TNNI3K: variants seen among roughly 807,000 people sequenced by gnomAD.
TNNI3K encodes TNNI3 interacting kinase, also known as serine/threonine-protein kinase TNNI3K.
Under a neutral mutation model 114.5 loss-of-function variants are expected in TNNI3K, and 140 were observed. The ratio of observed to expected loss-of-function variants is 1.22; its 90% CI spans 1.07 to 1.41. The LOEUF (loss-of-function observed/expected upper bound fraction) is 1.41, where lower values mean the gene tolerates loss of function less well. Ranked by LOEUF, TNNI3K falls within the 40% of genes most tolerant of loss-of-function variation. TNNI3K has a pLI of 0.00. For missense variants in TNNI3K, 1,125 were observed against 1,007.6 expected, an observed-to-expected ratio of 1.12 and a Z score of -1.58; for synonymous variants, 347 against 347.5, an observed-to-expected ratio of 1.00 and a Z score of 0.02.
At chr1:74,432,656 A>G (rs1489440255) in intron 17 of TNNI3K, among the ~76,000 whole-genome samples, 1 of 152,072 alleles carries the variant, frequency 6.6e-6, no homozygotes, top group Non-Finnish European at 1.5e-5. Context: ...ACAGAGGTAT[A>G]TTGGGTTTAT....
At chr1:74,392,964 C>T (rs1327157482) in intron 17 of TNNI3K, among the ~76,000 whole-genome samples, 1 of 152,184 alleles carries the variant, frequency 6.6e-6, no homozygotes, top group Non-Finnish European at 1.5e-5. Flanking sequence ...ACACAAGCCA[C>T]TTATAGCTGT....
rs1570533562 is a variant in TNNI3K at position 74,369,372 on chromosome 1, C to T, written c.1473-19C>T. On this transcript the variant is annotated intron_variant, in intron 15 of 24. Coordinates refer to ENST00000326637, the MANE Select transcript of TNNI3K (RefSeq NM_015978.3). ...GATCCATCTGTTTACTGAAGATTTTCTGTTGCTGCCATTTCCAGTTATCGA... is the reference window on the plus strand; with the variant it reads ...GATCCATCTGTTTACTGAAGATTTTTTGTTGCTGCCATTTCCAGTTATCGA... The T allele has an allele frequency of 6.2e-7, 1 of 1,606,178 alleles. No homozygotes were observed. The highest frequency in any genetic ancestry group is 8.5e-7 in the Non-Finnish European group (1 of 1,176,122).
chr1:74,484,021 T>C (rs564514269), intron 21 of TNNI3K, among the ~76,000 whole-genome samples: 62 of 152,276 alleles, frequency 4.1e-4, no homozygotes, highest in Non-Finnish European at 6.9e-4. Context: ...CTTTTTCATG[T>C]GTAAAATAGA....
intron 17 of TNNI3K, among the ~76,000 whole-genome samples, chr1:74,400,735 C>T (rs1296455296): frequency 6.6e-6 from 1 of 152,206 alleles, no homozygotes; most frequent in African/African-American, 2.4e-5. Context: ...TCAACTTATA[C>T]CCACATCCTA....
intron 21 of TNNI3K, chr1:74,475,516 C>A (rs1158837): frequency 7.0e-6 from 5 of 716,896 alleles, no homozygotes; most frequent in South Asian, 1.5e-5. Context: ...TTTCAGGTTT[C>A]TAAATGATCC....
chr1:74,337,806 G>A (rs971643544), intron 7 of TNNI3K, among the ~76,000 whole-genome samples: 4 of 151,956 alleles, frequency 2.6e-5, no homozygotes, highest in Non-Finnish European at 5.9e-5. Flanking sequence ...CTTGAAGTTT[G>A]TATAATTTTG....
At chr1:74,367,225 G>A (rs201973712) in intron 11 of TNNI3K, 31 bp from the exon 12 acceptor site, 13 of 1,603,218 alleles carry the variant, frequency 8.1e-6, no homozygotes, top group Non-Finnish European at 1.1e-5. Context: ...CAAAATTTAG[G>A]ACTCTTTGTT....
At chr1:74,263,256 C>A (rs1467565236) in intron 4 of TNNI3K, among the ~76,000 whole-genome samples, 1 of 151,848 alleles carries the variant, frequency 6.6e-6, no homozygotes, top group Admixed American at 6.6e-5. Flanking sequence ...AAATGCTGGC[C>A]ATTAATGCAG....
At chr1:74,330,747 G>T (rs1660157835) in intron 5 of TNNI3K, among the ~76,000 whole-genome samples, 1 of 151,972 alleles carries the variant, frequency 6.6e-6, no homozygotes, top group African/African-American at 2.4e-5. Flanking sequence ...CCAATCTATG[G>T]CTTTCCATGA....
chr1:74,485,760 T>C (rs1668726211), intron 21 of TNNI3K, among the ~76,000 whole-genome samples: 1 of 152,210 alleles, frequency 6.6e-6, no homozygotes, highest in African/African-American at 2.4e-5. Flanking sequence ...CAAATAGCCA[T>C]GTTGTGAACT....
At chr1:74,439,702 C>G in intron 20 of TNNI3K, 80 bp downstream of exon 20, 1 of 1,575,152 alleles carries the variant, frequency 6.3e-7, no homozygotes, top group Non-Finnish European at 8.6e-7. Flanking sequence ...TTTTTTTTCA[C>G]AAAATGATTA....
chr1:74,268,705 C>T (rs1425098106), intron 4 of TNNI3K, among the ~76,000 whole-genome samples: 1 of 151,808 alleles, frequency 6.6e-6, no homozygotes, highest in East Asian at 1.9e-4. Flanking sequence ...CTCCAGTGCA[C>T]ATAGTCATTG....
rs549776378 is a variant in TNNI3K, at chr1:74,350,741, G to C, written c.933-2525G>C. 2.0e-5 allele frequency among the ~76,000 whole-genome samples: 3 copies of C among 152,128 alleles called. No homozygotes were observed. In the South Asian group the frequency reaches 6.2e-4, roughly 32 times the overall value. Reference sequence around the variant, plus strand: ...TGTAATGGCCTTCTTTGTCTCTTTTGATCTTTGTTGGTTTAAAGTCTGTTT... The same window carrying C: ...TGTAATGGCCTTCTTTGTCTCTTTTCATCTTTGTTGGTTTAAAGTCTGTTT... On this transcript the variant is annotated intron_variant, in intron 9 of 24. Coordinates refer to ENST00000326637, the MANE Select transcript of TNNI3K (RefSeq NM_015978.3).
intron 17 of TNNI3K, among the ~76,000 whole-genome samples, chr1:74,381,688 C>T (rs1010357372): frequency 1.1e-4 from 16 of 152,068 alleles, no homozygotes; most frequent in African/African-American, 3.9e-4. Flanking sequence ...GAACTTGAAT[C>T]AGGGATTCAG....
chr1:74,315,587 C>A (rs546136971), intron 5 of TNNI3K, among the ~76,000 whole-genome samples: 12 of 151,266 alleles, frequency 7.9e-5, no homozygotes, highest in African/African-American at 2.7e-4. Context: ...TGTAGGAAAA[C>A]AAGATAGCTT....
chr1:74,336,832 G>A (rs1660496662), intron 7 of TNNI3K, among the ~76,000 whole-genome samples: 1 of 151,994 alleles, frequency 6.6e-6, no homozygotes, highest in Non-Finnish European at 1.5e-5. Flanking sequence ...TGTCTTTATA[G>A]CAGCATGATT....
At chr1:74,465,536 C>T (rs532233716) in intron 21 of TNNI3K, among the ~76,000 whole-genome samples, 2 of 147,616 alleles carry the variant, frequency 1.4e-5, no homozygotes, top group African/African-American at 2.7e-5. Flanking sequence ...ATGCCCGAGT[C>T]CCCCCCCAAC....
chr1:74,402,672 G>A (rs1467030313), intron 17 of TNNI3K, among the ~76,000 whole-genome samples: 2 of 152,140 alleles, frequency 1.3e-5, no homozygotes, highest in Non-Finnish European at 1.5e-5. Context: ...GAACTATTCA[G>A]GTTGCTGGCA....
chr1:74,484,375 A>G (rs1482735590), intron 21 of TNNI3K, among the ~76,000 whole-genome samples: 2 of 152,246 alleles, frequency 1.3e-5, no homozygotes, highest in Non-Finnish European at 2.9e-5. Flanking sequence ...CACTGCTCAC[A>G]GTACTGGGCA....
Sources: allele counts gnomAD v4.1 joint callset (sites outside exome capture counted in the v4.1 genomes callset), GRCh38; gene constraint gnomAD v4.1.1; transcripts MANE v1.5; gene names NCBI Gene and HGNC (gene_info 2026-07-23, HGNC 2026-07-21).